Variants in MPPED1 observed in about 807,000 individuals in gnomAD.
MPPED1 encodes metallophosphoesterase domain-containing protein 1.
A neutral mutation model predicts 36.2 loss-of-function variants in MPPED1; 16 were observed. The observed-to-expected ratio is 0.44, with a 90% CI of 0.30 to 0.67. MPPED1 has a LOEUF of 0.67. MPPED1 is among the 30% of genes least tolerant of loss of function. MPPED1 has a pLI of 0.10. For missense variants in MPPED1, 307 were observed against 453.4 expected, an observed-to-expected ratio of 0.68 and a Z score of 2.93; for synonymous variants, 199 against 191.3, an observed-to-expected ratio of 1.04 and a Z score of -0.33.
chr22:43,451,283 G>A (rs568592573), intron 3 of MPPED1, among the ~76,000 whole-genome samples: 119 of 152,286 alleles, frequency 7.8e-4, no homozygotes, highest in African/African-American at 2.8e-3. Flanking sequence ...GCAATTACCG[G>A]TGTGAGCCGC....
intron 4 of MPPED1, among the ~76,000 whole-genome samples, chr22:43,495,707 G>C (rs1215084504): frequency 3.5e-5 from 2 of 57,600 alleles, no homozygotes; most frequent in Non-Finnish European, 6.1e-5. Flanking sequence ...GGTGGTGATG[G>C]AGGTGGTGGT....
At chr22:43,469,290 T>C (rs1931281759) in intron 3 of MPPED1, among the ~76,000 whole-genome samples, 1 of 152,198 alleles carries the variant, frequency 6.6e-6, no homozygotes, top group African/African-American at 2.4e-5. Context: ...AGTGCAGGCA[T>C]TAGGCAGAAG....
chr22:43,461,177 A>C (rs1930945280), intron 3 of MPPED1, among the ~76,000 whole-genome samples: 1 of 152,162 alleles, frequency 6.6e-6, no homozygotes, highest in African/African-American at 2.4e-5. Context: ...CAGCCTGGGC[A>C]ATATAGCGAA....
intron 4 of MPPED1, among the ~76,000 whole-genome samples, chr22:43,492,141 G>A (rs572838993): frequency 3.3e-5 from 5 of 152,148 alleles, no homozygotes; most frequent in Non-Finnish European, 5.9e-5. Flanking sequence ...TACCAGGCCC[G>A]TTTTAAGTAC....
At chr22:43,440,187 G>T (rs975484042) in intron 3 of MPPED1, among the ~76,000 whole-genome samples, 3 of 152,240 alleles carry the variant, frequency 2.0e-5, no homozygotes, top group African/African-American at 7.2e-5. Context: ...ATGCCTGAAT[G>T]CCACTGGGTA....
At chr22:43,495,310 G>T in intron 4 of MPPED1, among the ~76,000 whole-genome samples, 1 of 148,492 alleles carries the variant, frequency 6.7e-6, no homozygotes, top group Non-Finnish European at 1.5e-5. Context: ...TGATGGTGGT[G>T]ATGGTGGTGG....
chr22:43,449,634 G>C (rs916859240), intron 3 of MPPED1, among the ~76,000 whole-genome samples: 2 of 152,162 alleles, frequency 1.3e-5, no homozygotes, highest in Admixed American at 1.3e-4. Context: ...CACCCAGCGA[G>C]GGAGGGAGTT....
At position 43,468,030 on chromosome 22, in the gene MPPED1, G is replaced by A. The variant is rs141122378; in HGVS notation, c.407-6706G>A. On this transcript the variant is annotated intron_variant, in intron 3 of 6. Transcript: ENST00000443721. ...ATGCACATCCCCCTCTGCCCCGTGC[G>A]GCAGCTGCACTTGTTGCAATGTGGA... is the stretch of plus-strand genomic sequence containing the variant. Among the ~76,000 whole-genome samples, 472 of 152,300 alleles carry A rather than the reference G, an allele frequency of 3.1e-3. 2 individuals are homozygous for A. The highest frequency in any genetic ancestry group is 3.8e-3 in the Non-Finnish European group (259 of 68,020).
chr22:43,429,062 G>GA (rs1321740253), intron 2 of MPPED1, among the ~76,000 whole-genome samples: 1 of 152,192 alleles, frequency 6.6e-6, no homozygotes, highest in Non-Finnish European at 1.5e-5. Flanking sequence ...AGCCCCTCAG[G>GA]CTGCACCGGG....
intron 3 of MPPED1, among the ~76,000 whole-genome samples, chr22:43,462,978 G>T (rs1377298221): frequency 1.3e-5 from 2 of 152,184 alleles, no homozygotes; most frequent in African/African-American, 2.4e-5. Flanking sequence ...TGTTAGAAAA[G>T]ATCTTTATTC....
chr22:43,460,386 AGTGGCACAATC>A (rs776516322), intron 3 of MPPED1, among the ~76,000 whole-genome samples: 1 of 150,194 alleles, frequency 6.7e-6, no homozygotes, highest in Non-Finnish European at 1.5e-5. Context: ...GTTGGAGTGC[AGTGGCACAATC>A]GTGGCTCACT....
chr22:43,502,823 CTCCCCT>C lies in MPPED1; in HGVS notation c.862+69_862+74del. 1 of 1,350,152 alleles carries C rather than the reference CTCCCCT, an allele frequency of 7.4e-7. No homozygotes were observed. Among genetic ancestry groups the C allele is most frequent in the Non-Finnish European group, 1.1e-6 (1 of 943,314 alleles). The allele number at this position is 1,350,152 out of a possible 1,614,324, so 83.6% of individuals were successfully genotyped here. A position where few individuals can be genotyped will look rare whatever the true frequency, so the allele number is the denominator to read the frequency against. On this transcript the variant is annotated intron_variant, in intron 6 of 6. Transcript: ENST00000443721. The surrounding 1 kb of genome is among the most constrained non-coding windows in gnomAD (Gnocchi z 5.5). ...CTCCTAATGGACCCTCCAGCAGGACCTCCCCTTCGTTCAGCCAGAAGGGAAATAAAT... is the reference window on the plus strand; with the variant it reads ...CTCCTAATGGACCCTCCAGCAGGACCTCGTTCAGCCAGAAGGGAAATAAAT...
In MPPED1 at chr22:43,505,657, C is replaced by A. The variant is rs771004758; in HGVS notation, c.*41C>A. 6.5e-7 allele frequency: 1 copy of A among 1,537,766 alleles called. No homozygotes were observed. The highest frequency in any genetic ancestry group is 2.4e-5 in the East Asian group (1 of 42,140). The stretch of plus-strand genomic sequence containing the variant: ...CCTGCCCTGCCCGCCCGTGTCAGCT[C>A]CACAGGCCTGGCCCGGCCACTGTTC... On this transcript the variant is annotated 3_prime_UTR_variant, in exon 7 of 7. Coordinates refer to ENST00000443721, the MANE Select transcript of MPPED1 (RefSeq NM_001044370.2).
intron 3 of MPPED1, among the ~76,000 whole-genome samples, chr22:43,441,395 C>T (rs1399759619): frequency 6.6e-6 from 1 of 152,186 alleles, no homozygotes; most frequent in African/African-American, 2.4e-5. Flanking sequence ...CTCTGTGTGC[C>T]AGCCTACTGG....
At chr22:43,505,453 C>T (rs73170092) in intron 6 of MPPED1, 45 bp from the exon 7 acceptor site, 61,556 of 1,544,488 alleles carry the variant, frequency 0.04, 1,385 homozygotes, top group South Asian at 0.054. Context: ...TGGCCACCCT[C>T]ACTACTCTGG....
At position 43,447,859 on chromosome 22, in the gene MPPED1, T is replaced by TTATATATATATATATATATA. The variant is rs1238294657; in HGVS notation, c.406+12650_406+12669dup. Among the ~76,000 whole-genome samples the TTATATATATATATATATATA allele has an allele frequency of 8.3e-4, 52 of 62,498 alleles. 1 individual carries two copies. Among genetic ancestry groups the TTATATATATATATATATATA allele is most frequent in the South Asian group, 1.2e-3 (2 of 1,706 alleles). The allele number at this position is 62,498 out of a possible 152,430, so 41.0% of individuals were successfully genotyped here. A position where few individuals can be genotyped will look rare whatever the true frequency, so the allele number is the denominator to read the frequency against. ...TAAAAATATTTTATATATGTAAATA[T>TTATATATATATATATATATA]TATATATATATATATATATATATAT... On this transcript the variant is annotated intron_variant, in intron 3 of 6. Coordinates refer to ENST00000443721, the MANE Select transcript of MPPED1 (RefSeq NM_001044370.2).
rs936433141 is a variant in MPPED1 at position 43,507,004 on chromosome 22, C to A, written c.*1388C>A. ...TCACCCAGGTCCCAGCCCTGGGAAC[C>A]AGCCTACCGTGAGCCCTTTTGCAGA... On this transcript the variant is annotated 3_prime_UTR_variant, in exon 7 of 7. Coordinates refer to ENST00000443721, the MANE Select transcript of MPPED1 (RefSeq NM_001044370.2). 1.5e-4 allele frequency: 23 copies of A among 152,158 alleles called. No individual in the cohort carries two copies. Among genetic ancestry groups the A allele is most frequent in the African/African-American group, 5.3e-4 (22 of 41,428 alleles). The allele number at this position is 152,158 out of a possible 1,614,324, so 9.4% of individuals were successfully genotyped here.
chr22:43,449,268 T>C (rs1930472307), intron 3 of MPPED1, among the ~76,000 whole-genome samples: 1 of 152,140 alleles, frequency 6.6e-6, no homozygotes, highest in African/African-American at 2.4e-5. Flanking sequence ...TTGCAACAGA[T>C]ATCCTGGGCC....
intron 3 of MPPED1, among the ~76,000 whole-genome samples, chr22:43,443,923 A>G (rs1348313162): frequency 2.0e-5 from 3 of 152,178 alleles, no homozygotes; most frequent in African/African-American, 7.2e-5. Context: ...TTGCGTACGC[A>G]CATGGCCAGT....
Sources: gnomAD v4.1 joint callset for allele counts (sites outside exome capture counted in the v4.1 genomes callset) on GRCh38, gnomAD v4.1.1 for gene constraint, Gnocchi (gnomAD v3.1) non-coding constraint, MANE v1.5 for transcripts, NCBI Gene and HGNC (gene_info 2026-07-23, HGNC 2026-07-21) for gene names.